The following NBPF11 variants were observed in gnomAD, a reference collection of about 807,000 sequenced individuals.
NBPF11 encodes NBPF family member NBPF11.
A neutral mutation model predicts 93.9 loss-of-function variants in NBPF11; 72 were observed. That is an observed-to-expected ratio of 0.77 (90% CI 0.63 to 0.93). NBPF11 has a LOEUF of 0.93. NBPF11 is among the 40% of genes least tolerant of loss of function. The pLI is 0.00. For missense variants in NBPF11, 705 were observed against 802.2 expected (o/e 0.88, Z 1.46); for synonymous variants, 224 against 304.9 (o/e 0.73, Z 2.76).
intron 4 of NBPF11, among the ~76,000 whole-genome samples, chr1:148,134,317 A>G (rs1214386604): frequency 2.6e-5 from 4 of 151,700 alleles, no homozygotes; most frequent in Non-Finnish European, 5.9e-5. Flanking sequence ...ACTCAGTGCC[A>G]GAGCAGGGAG....
rs1667585675 is a variant in NBPF11, at chr1:148,120,542, G to A, written c.947C>T (p.Thr316Ile). ...FRSLKEKCFV[T>I]QVACFLAKQQ... Reference sequence around the variant, plus strand: ...CTTGGCCAGGAAGCAGGCCACTTGAGTTACAAAACATTTCTCTTTGAGGCT... The same window carrying A: ...CTTGGCCAGGAAGCAGGCCACTTGAATTACAAAACATTTCTCTTTGAGGCT... The change falls in exon 10 of 24, where the codon ACT (threonine) becomes ATT (isoleucine). Residue 316 changes from threonine to isoleucine, a missense_variant. By Grantham distance (89) the Thr-to-Ile change is moderately conservative (BLOSUM62 -1). This residue lies in a region of NBPF11 where 262 missense variants were observed against 223.1 expected (regional missense o/e 1.17). Coordinates refer to ENST00000682118, the MANE Select transcript of NBPF11 (RefSeq NM_001385469.3). The A allele has an allele frequency of 1.9e-6, 2 of 1,039,200 alleles. No individual in the cohort carries two copies. Among genetic ancestry groups the A allele is most frequent in the East Asian group, 4.7e-5 (2 of 42,286 alleles). 64.4% of individuals were successfully genotyped at this position (1,039,200 alleles called of 1,614,324 possible).
At chr1:148,149,627 G>T in intron 1 of NBPF11, 1 of 1,490,176 alleles carries the variant, frequency 6.7e-7, no homozygotes, top group Middle Eastern at 2.4e-4. Flanking sequence ...ACCCCGCGCC[G>T]GCCCCCACCC....
intron 7 of NBPF11, among the ~76,000 whole-genome samples, chr1:148,123,120 G>A (rs1668272712): frequency 6.6e-6 from 1 of 152,010 alleles, no homozygotes; most frequent in Non-Finnish European, 1.5e-5. Context: ...TGATTCCCAG[G>A]AACAGGCTTG....
At position 148,144,400 on chromosome 1, in the gene NBPF11, G is replaced by A. The variant is rs1272719769; in HGVS notation, c.-548-714C>T. 2.4e-3 allele frequency among the ~76,000 whole-genome samples: 365 copies of A among 150,762 alleles called. 2 individuals carry two copies. The highest frequency in any genetic ancestry group is 8.0e-3 in the African/African-American group (323 of 40,530). On this transcript the variant is annotated intron_variant, in intron 1 of 23. Transcript: ENST00000682118. ...TTTTATTTGTTAGATGGTGAAAACC[G>A]TGACACTTGGAGATTGCTGAATATG...
In NBPF11 at chr1:148,115,901, G is replaced by T. The variant is rs1170972365; in HGVS notation, c.1477C>A (p.Gln493Lys). ...SNSHGPYDSN[Q>K]PHRKTKITFE... Reference sequence around the variant, plus strand: ...GTGATTTTGGTTTTTCTATGTGGCTGGTTGGAGTCATAAGGGCCATGGCTA... The same window carrying T: ...GTGATTTTGGTTTTTCTATGTGGCTTGTTGGAGTCATAAGGGCCATGGCTA... The change falls in exon 14 of 24, where the codon CAG becomes AAG. Residue 493 changes from glutamine to lysine, a missense_variant. Physicochemically the swap from Gln to Lys is moderately conservative, Grantham distance 53 (BLOSUM62 1). Transcript: ENST00000682118. 1.7e-5 allele frequency: 27 copies of T among 1,582,502 alleles called. 2 individuals carry two copies. The highest frequency in any genetic ancestry group is 4.4e-5 in the African/African-American group (3 of 68,586).
chr1:148,141,785 C>G (rs1165173433), intron 2 of NBPF11, among the ~76,000 whole-genome samples: 1 of 151,616 alleles, frequency 6.6e-6, no homozygotes, highest in Non-Finnish European at 1.5e-5. Context: ...CCCAGTGGCA[C>G]CCACAAATCA....
chr1:148,134,961 C>G (rs1453751573), intron 4 of NBPF11, among the ~76,000 whole-genome samples: 1 of 151,622 alleles, frequency 6.6e-6, no homozygotes, highest in Non-Finnish European at 1.5e-5. Flanking sequence ...TTTCAATAAA[C>G]CTGCCTGAAT....
At chr1:148,114,327 A>T (rs1190538635) in intron 15 of NBPF11, 110 bp downstream of exon 15, 57 of 671,402 alleles carry the variant, frequency 8.5e-5, no homozygotes, top group East Asian at 4.3e-4. Context: ...CACAATTTGT[A>T]GCTGGGTGAA....
rs1361850801 is a variant in NBPF11 at position 148,117,255 on chromosome 1, T to C, written c.1306+317A>G. Among the ~76,000 whole-genome samples the C allele has an allele frequency of 3.0e-3, 450 of 149,534 alleles. 2 individuals are homozygous for C. The highest frequency in any genetic ancestry group is 5.3e-3 in the Non-Finnish European group (358 of 67,668). On this transcript the variant is annotated intron_variant, in intron 12 of 23. Transcript: ENST00000682118. ...AAGACAGCCTGGGAACCTTCATTCTTAGTCCAGAGCTCTTTTCACTCTAAC... is the reference window on the plus strand; with the variant it reads ...AAGACAGCCTGGGAACCTTCATTCTCAGTCCAGAGCTCTTTTCACTCTAAC...
chr1:148,108,734 A>T lies in NBPF11; in HGVS notation c.1854-80T>A, dbSNP rs369632304. On this transcript the variant is annotated intron_variant, in intron 17 of 23. Coordinates refer to ENST00000682118, the MANE Select transcript of NBPF11 (RefSeq NM_001385469.3). ...GCCCCAGCTAGATTTCATGGCTAAC[A>T]TGAGGAAGAGTTTGAAAAGAAAAAG... The T allele has an allele frequency of 3.8e-6, 3 of 797,826 alleles. No homozygotes were observed. In the East Asian group the frequency reaches 7.5e-5, roughly 20 times the overall value. 49.4% of individuals were successfully genotyped at this position (797,826 alleles called of 1,614,324 possible). A position where few individuals can be genotyped will look rare whatever the true frequency, so the allele number is the denominator to read the frequency against.
intron 10 of NBPF11, among the ~76,000 whole-genome samples, chr1:148,119,472 G>C (rs2994357): frequency 0.014 from 1,960 of 136,476 alleles, 17 homozygotes; most frequent in Non-Finnish European, 0.018. Flanking sequence ...GAGGGACAGA[G>C]AAGACAAGCA....
At chr1:148,124,821 T>C in intron 6 of NBPF11, 78 bp downstream of exon 6, 1 of 1,532,494 alleles carries the variant, frequency 6.5e-7, no homozygotes, top group South Asian at 1.1e-5. Flanking sequence ...GCTTCGTTCT[T>C]ACTTCTCCCC....
At position 148,125,315 on chromosome 1, in the gene NBPF11, C is replaced by A. The variant is rs77047782; in HGVS notation, c.176-314G>T. Among the ~76,000 whole-genome samples, 331 of 152,042 alleles carry A rather than the reference C, an allele frequency of 2.2e-3. 5 individuals carry two copies. Among genetic ancestry groups the A allele is most frequent in the African/African-American group, 7.1e-3 (294 of 41,340 alleles). On this transcript the variant is annotated intron_variant, in intron 5 of 23. Coordinates refer to ENST00000682118, the MANE Select transcript of NBPF11 (RefSeq NM_001385469.3). ...CTGAATGCGGGGCCACTTTCCCAAGCCTTGCAGCCTCTCCTCTAAAACACT... is the reference window on the plus strand; with the variant it reads ...CTGAATGCGGGGCCACTTTCCCAAGACTTGCAGCCTCTCCTCTAAAACACT...
chr1:148,148,803 G>A (rs1341905441), intron 1 of NBPF11, among the ~76,000 whole-genome samples: 2 of 151,896 alleles, frequency 1.3e-5, no homozygotes, highest in African/African-American at 4.9e-5. Context: ...CAGGATGTGG[G>A]GGCCACACAG....
At chr1:148,149,659 C>A in intron 1 of NBPF11, 1 of 1,203,926 alleles carries the variant, frequency 8.3e-7, no homozygotes, top group South Asian at 1.4e-5. Flanking sequence ...GTGGACCCCC[C>A]CGGGCGGCCC....
At chr1:148,111,395 G>A (rs1222059570) in intron 15 of NBPF11, among the ~76,000 whole-genome samples, 2 of 152,056 alleles carry the variant, frequency 1.3e-5, no homozygotes, top group Middle Eastern at 3.2e-3. Context: ...GCAGGATAGA[G>A]AATGACTTTG....
chr1:148,111,231 C>T lies in NBPF11; in HGVS notation c.1638-690G>A, dbSNP rs1236710260. On this transcript the variant is annotated intron_variant, in intron 15 of 23. Coordinates refer to ENST00000682118, the MANE Select transcript of NBPF11 (RefSeq NM_001385469.3). ...ACATCAACAAAAAAGACATCCACCCCAAAACCCCATCTGTAGGTCACCATC... is the reference window on the plus strand; with the variant it reads ...ACATCAACAAAAAAGACATCCACCCTAAAACCCCATCTGTAGGTCACCATC... Among the ~76,000 whole-genome samples, 564 of 152,160 alleles carry T rather than the reference C, an allele frequency of 3.7e-3. 2 individuals carry two copies. Among genetic ancestry groups the T allele is most frequent in the African/African-American group, 0.012 (501 of 41,420 alleles).
At chr1:148,123,577 A>G (rs1668402262) in intron 7 of NBPF11, among the ~76,000 whole-genome samples, 2 of 151,386 alleles carry the variant, frequency 1.3e-5, no homozygotes, top group Admixed American at 6.6e-5. Flanking sequence ...CCCTCCCATC[A>G]CAGCCTCCTT....
chr1:148,148,166 C>T (rs1647236275), intron 1 of NBPF11, among the ~76,000 whole-genome samples: 1 of 152,306 alleles, frequency 6.6e-6, no homozygotes, highest in East Asian at 1.9e-4. Flanking sequence ...CAGGCAGCAT[C>T]CTTTGGGGCA....
Sources: gnomAD v4.1 joint callset for allele counts (sites outside exome capture counted in the v4.1 genomes callset) on GRCh38, gnomAD v4.1.1 for gene constraint, gnomAD v4.1.1 regional missense constraint, MANE v1.5 for transcripts, NCBI Gene and HGNC (gene_info 2026-07-23, HGNC 2026-07-21) for gene names.